MOBP: variants seen among roughly 807,000 people sequenced by gnomAD.
The protein encoded by MOBP is myelin-associated oligodendrocyte basic protein.
Under a neutral mutation model 15.0 loss-of-function variants are expected in MOBP, and 5 were observed. That is an observed-to-expected ratio of 0.33 (90% CI 0.17 to 0.70). The LOEUF (loss-of-function observed/expected upper bound fraction) is 0.70, where lower values mean the gene tolerates loss of function less well. Among genes scored for constraint, MOBP ranks in the 30% least tolerant of loss-of-function variants. The pLI is 0.67. For synonymous variants in MOBP, 88 were observed against 99.0 expected (o/e 0.89, Z 0.66); for missense variants, 188 against 257.8 (o/e 0.73, Z 1.85).
chr3:39,482,651 C>CAAAA (rs10576821), intron 2 of MOBP, among the ~76,000 whole-genome samples: 1 of 80,398 alleles, frequency 1.2e-5, no homozygotes, highest in Non-Finnish European at 2.5e-5. Flanking sequence ...CACTCTGTCT[C>CAAAA]AAAAAAAAAA....
chr3:39,482,948 T>G (rs1425793358), intron 2 of MOBP, among the ~76,000 whole-genome samples: 1 of 152,140 alleles, frequency 6.6e-6, no homozygotes, highest in Non-Finnish European at 1.5e-5. Context: ...TAACATTGAC[T>G]CACTCTTCAG....
At chr3:39,521,165 G>A (rs1355733) in intron 3 of MOBP, among the ~76,000 whole-genome samples, 46,407 of 151,880 alleles carry the variant, frequency 0.31, 9,247 homozygotes, top group African/African-American at 0.57. Flanking sequence ...AGCCAGGTTC[G>A]CCTTGAACTC....
In MOBP at chr3:39,502,143, A is replaced by C. The variant is rs200573012; in HGVS notation, c.74A>C (p.His25Pro). ...NQKYSEHFSI[H>P]CCPPFTFLNS... ...AAGTACTCCGAACACTTCAGCATACACTGCTGCCCGCCGTTCACCTTCCTC... is the reference window on the plus strand; with the variant it reads ...AAGTACTCCGAACACTTCAGCATACCCTGCTGCCCGCCGTTCACCTTCCTC... Residue 25 changes from histidine (H) to proline (P), a missense_variant, in exon 3 of 4, where the codon CAC (histidine) becomes CCC (proline). By Grantham distance (77) the His-to-Pro change is moderately conservative. Coordinates refer to ENST00000684792, the MANE Select transcript of MOBP (RefSeq NM_001393704.1). The surrounding 1 kb of genome is among the most constrained non-coding windows in gnomAD (Gnocchi z 6.3). 7 of 1,614,190 alleles carry C rather than the reference A, an allele frequency of 4.3e-6. No individual in the cohort carries two copies. Among genetic ancestry groups the C allele is most frequent in the Non-Finnish European group, 5.9e-6 (7 of 1,180,042 alleles).
At chr3:39,480,703 TCTC>T (rs1438418981) in intron 2 of MOBP, among the ~76,000 whole-genome samples, 2 of 152,144 alleles carry the variant, frequency 1.3e-5, no homozygotes, top group African/African-American at 4.8e-5. Flanking sequence ...CCAAGTCACA[TCTC>T]CTCCTTCGCT....
At chr3:39,486,163 T>C (rs755395755) in intron 2 of MOBP, among the ~76,000 whole-genome samples, 6 of 152,206 alleles carry the variant, frequency 3.9e-5, no homozygotes, top group Non-Finnish European at 8.8e-5. Flanking sequence ...GGGTTAGGCA[T>C]ACATTCTAGT....
chr3:39,473,759 A>T (rs1447930197), intron 1 of MOBP, among the ~76,000 whole-genome samples: 1 of 152,234 alleles, frequency 6.6e-6, no homozygotes, highest in Non-Finnish European at 1.5e-5. Flanking sequence ...AAGAATACAG[A>T]AAATAAGATC....
chr3:39,493,703 G>C (rs1440982445), intron 2 of MOBP, among the ~76,000 whole-genome samples: 1 of 152,128 alleles, frequency 6.6e-6, no homozygotes. Context: ...TGCTTTCCTA[G>C]AATTATTCAC....
chr3:39,524,986 C>T (rs547430959), downstream of MOBP: 62 of 152,122 alleles, frequency 4.1e-4, no homozygotes, highest in African/African-American at 1.4e-3. Context: ...TAAATTTTAA[C>T]AACACACAAT....
chr3:39,484,999 G>A (rs1317229773), intron 2 of MOBP, among the ~76,000 whole-genome samples: 1 of 152,120 alleles, frequency 6.6e-6, no homozygotes, highest in Admixed American at 6.6e-5. Flanking sequence ...AAATAATTAA[G>A]GACTCTCTTA....
chr3:39,487,931 C>T (rs1321603168), intron 2 of MOBP, among the ~76,000 whole-genome samples: 3 of 152,162 alleles, frequency 2.0e-5, no homozygotes, highest in Admixed American at 2.0e-4. Flanking sequence ...GCATGAAGTT[C>T]TGAACTCACT....
rs2042982924 is a variant in MOBP at position 39,502,304 on chromosome 3, AG to A, written c.206+30del. Reference sequence around the variant, plus strand: ...AGCGGCCGCCCAGCCCCGCGGCACCAGTTGGGCACAGCGCGTGGTCTCGGCT... The same window carrying A: ...AGCGGCCGCCCAGCCCCGCGGCACCATTGGGCACAGCGCGTGGTCTCGGCT... On this transcript the variant is annotated intron_variant, in intron 3 of 3. Transcript: ENST00000684792. The surrounding 1 kb of genome is among the most constrained non-coding windows in gnomAD (Gnocchi z 6.3). 2 of 1,612,736 alleles carry A rather than the reference AG, an allele frequency of 1.2e-6. No individual in the cohort carries two copies. The highest frequency in any genetic ancestry group is 1.8e-4 in the Middle Eastern group (1 of 5,656).
chr3:39,512,285 G>C (rs3821373), intron 4 of MOBP, among the ~76,000 whole-genome samples: 92,318 of 152,074 alleles, frequency 0.61, 32,384 homozygotes, highest in Non-Finnish European at 0.77. Context: ...GTGATGCCTG[G>C]GATCTGTGGG....
intron 1 of MOBP, among the ~76,000 whole-genome samples, chr3:39,476,456 C>A (rs939523854): frequency 6.6e-6 from 1 of 152,196 alleles, no homozygotes; most frequent in Non-Finnish European, 1.5e-5. Context: ...ATTTCTGACT[C>A]CAATCTAGCA....
chr3:39,514,965 C>CGTGTGTGTGT (rs34912911), exon 5 of MOBP: 3 of 137,342 alleles, frequency 2.2e-5, no homozygotes, highest in South Asian at 2.5e-4. Flanking sequence ...CTGGTGTGTG[C>CGTGTGTGTGT]GTGTGTGTGT....
At position 39,502,193 on chromosome 3, in the gene MOBP, C is replaced by T. The variant is rs1232103072; in HGVS notation, c.124C>T (p.Arg42Trp). The T allele has an allele frequency of 3.7e-6, 6 of 1,614,084 alleles. No homozygotes were observed. In the African/African-American group the frequency reaches 4.0e-5, roughly 11 times the overall value. Residue 42 changes from arginine to tryptophan, a missense_variant, in exon 3 of 4, where the codon CGG becomes TGG. Physicochemically the swap from Arg to Trp is moderately radical, Grantham distance 101. This residue lies in a region of MOBP where 133 missense variants were observed against 212.5 expected (regional missense o/e 0.63). Transcript: ENST00000684792. The surrounding 1 kb of genome is among the most constrained non-coding windows in gnomAD (Gnocchi z 6.3). Reference sequence around the variant, plus strand: ...CAATTCCAAGAAGGAGATAGTGGATCGGAAATACAGCATCTGTAAGAGCGG... The same window carrying T: ...CAATTCCAAGAAGGAGATAGTGGATTGGAAATACAGCATCTGTAAGAGCGG... ...FLNSKKEIVD[R>W]KYSICKSGCF... is the part of the protein sequence containing the mutation.
intron 1 of MOBP, among the ~76,000 whole-genome samples, chr3:39,468,489 C>T (rs940021782): frequency 2.6e-5 from 4 of 152,016 alleles, no homozygotes; most frequent in Admixed American, 2.6e-4. Context: ...TATGCTGTTT[C>T]GTATTTAGAA....
At chr3:39,477,651 T>G (rs1356107990) in intron 1 of MOBP, among the ~76,000 whole-genome samples, 1 of 148,898 alleles carries the variant, frequency 6.7e-6, no homozygotes, top group Non-Finnish European at 1.5e-5. Context: ...CTCAGGCAGG[T>G]TCTTCCTGAG....
chr3:39,507,795 C>T (rs1221354750), downstream of MOBP, among the ~76,000 whole-genome samples: 3 of 152,220 alleles, frequency 2.0e-5, no homozygotes. Context: ...AACTTGTTTG[C>T]CAAATGCCCT....
chr3:39,496,491 G>A (rs761733498), intron 2 of MOBP, among the ~76,000 whole-genome samples: 4 of 148,324 alleles, frequency 2.7e-5, no homozygotes, highest in African/African-American at 1.0e-4. Flanking sequence ...GAGCCACCAC[G>A]CCTGGCTTCC....
Sources: allele counts gnomAD v4.1 joint callset (sites outside exome capture counted in the v4.1 genomes callset), GRCh38; gene constraint gnomAD v4.1.1; regional missense constraint gnomAD v4.1.1; non-coding constraint Gnocchi (gnomAD v3.1); transcripts MANE v1.5; gene names NCBI Gene and HGNC (gene_info 2026-07-23, HGNC 2026-07-21).